Variants in C1R observed in about 807,000 individuals in gnomAD.
C1R encodes the protein complement C1r.
A neutral mutation model predicts 27.6 loss-of-function variants in C1R; 15 were observed. The observed-to-expected ratio is 0.54, with a 90% CI of 0.36 to 0.84. C1R has a LOEUF of 0.84. C1R is among the 40% of genes least tolerant of loss of function. The pLI is 0.01. For missense variants in C1R, 544 were observed against 577.9 expected, an observed-to-expected ratio of 0.94 and a Z score of 0.60; for synonymous variants, 253 against 228.8, an observed-to-expected ratio of 1.11 and a Z score of -0.95.
At position 7,080,364 on chromosome 12, in the gene C1R, T is replaced by C. The variant is rs770386982; in HGVS notation, c.*168A>G. ...AAAGAAAGGGGCCCTTTGGGTTGTT[T>C]CAGGTAAAGTACATCAATGGGACTA... On this transcript the variant is annotated 3_prime_UTR_variant, in exon 11 of 11. Transcript: ENST00000647956. The surrounding 1 kb of genome is among the most constrained non-coding windows in gnomAD (Gnocchi z 4.9). 1.0e-5 allele frequency: 14 copies of C among 1,349,196 alleles called. No homozygotes were observed. In the South Asian group the frequency reaches 2.6e-4, roughly 25 times the overall value. 83.6% of individuals were successfully genotyped at this position (1,349,196 alleles called of 1,614,324 possible). A position where few individuals can be genotyped will look rare whatever the true frequency, so the allele number is the denominator to read the frequency against.
At chr12:7,092,101 GCA>G in intron 1 of C1R, 1 of 583,244 alleles carries the variant, frequency 1.7e-6, no homozygotes, top group Non-Finnish European at 3.1e-6. Flanking sequence ...GGGGACACAG[GCA>G]CAGAGTGTCC....
At position 7,089,604 on chromosome 12, in the gene C1R, T is replaced by C; in HGVS notation, c.554A>G (p.Asp185Gly). Residue 185 changes from aspartate (D) to glycine (G), a missense_variant, in exon 4 of 11, where the codon GAC becomes GGC. Physicochemically the swap from Asp to Gly is moderately conservative, Grantham distance 94. Around this residue, in one of 2 missense-constraint regions of C1R, gnomAD observed 291 missense variants for 209.0 expected, o/e 1.39. Coordinates refer to ENST00000647956, the MANE Select transcript of C1R (RefSeq NM_001733.7). ...TGGCTCACCCTGGCAGGAATGCCTG[T>C]CTTCCTGAAGCTCATAGCCTGGACG... is the stretch of plus-strand genomic sequence containing the variant. ...SCRPGYELQE[D>G]RHSCQAECSS... 1.3e-6 allele frequency: 1 copy of C among 780,942 alleles called. No individual in the cohort carries two copies. The highest frequency in any genetic ancestry group is 2.3e-4 in the Middle Eastern group (1 of 4,442). The allele number at this position is 780,942 out of a possible 1,614,324, so 48.4% of individuals were successfully genotyped here. A position where few individuals can be genotyped will look rare whatever the true frequency, so the allele number is the denominator to read the frequency against.
chr12:7,080,819 G>A lies in C1R; in HGVS notation c.1831C>T (p.Arg611Cys), dbSNP rs772664204. Reference sequence around the variant, plus strand: ...GCCTGTGGATTAGCTACGGGCAGACGGACAAACCTGAGGTCATGAGCAATC... The same window carrying A: ...GCCTGTGGATTAGCTACGGGCAGACAGACAAACCTGAGGTCATGAGCAATC... ...EKIAHDLRFV[R>C]LPVANPQACE... is the part of the protein sequence containing the mutation. The change falls in exon 11 of 11, where the codon CGT becomes TGT. Residue 611 changes from arginine to cysteine, a missense_variant. Around this residue, in one of 2 missense-constraint regions of C1R, gnomAD observed 253 missense variants for 368.9 expected, o/e 0.69. Coordinates refer to ENST00000647956, the MANE Select transcript of C1R (RefSeq NM_001733.7). The surrounding 1 kb of genome is among the most constrained non-coding windows in gnomAD (Gnocchi z 4.9). The A allele has an allele frequency of 6.8e-6, 11 of 1,613,802 alleles. No individual in the cohort carries two copies. Among genetic ancestry groups the A allele is most frequent in the Middle Eastern group, 1.6e-4 (1 of 6,084 alleles).
At chr12:7,087,901 C>T (rs1317642103) in intron 7 of C1R, 3 of 155,854 alleles carry the variant, frequency 1.9e-5, no homozygotes, top group African/African-American at 2.4e-5. Context: ...TGTTGAACAA[C>T]GATGGGATGT....
At position 7,091,241 on chromosome 12, in the gene C1R, C is replaced by A; in HGVS notation, c.231+211G>T. 1.8e-6 allele frequency: 1 copy of A among 562,374 alleles called. No homozygotes were observed. The highest frequency in any genetic ancestry group is 3.1e-6 in the Non-Finnish European group (1 of 322,026). The allele number at this position is 562,374 out of a possible 1,614,324, so 34.8% of individuals were successfully genotyped here. A position where few individuals can be genotyped will look rare whatever the true frequency, so the allele number is the denominator to read the frequency against. ...TTGAATTTCCTGAGTGGGTCCTGTCCCCTTCCTTCTCTGTGCTTCTCCCCT... is the reference window on the plus strand; with the variant it reads ...TTGAATTTCCTGAGTGGGTCCTGTCACCTTCCTTCTCTGTGCTTCTCCCCT... On this transcript the variant is annotated intron_variant, in intron 2 of 10. Transcript: ENST00000647956. The surrounding 1 kb of genome is among the most constrained non-coding windows in gnomAD (Gnocchi z 5.1).
In C1R at chr12:7,092,439, A is replaced by C; in HGVS notation, c.-51T>G. On this transcript the variant is annotated 5_prime_UTR_variant, in exon 1 of 11. Coordinates refer to ENST00000647956, the MANE Select transcript of C1R (RefSeq NM_001733.7). ...GGCTCTCCCGACAGCGTCTTCGTGC[A>C]CTGTGTGCAGAGGGAGCCCGCGTCA... is the stretch of plus-strand genomic sequence containing the variant. The C allele has an allele frequency of 1.3e-6, 1 of 780,538 alleles. No homozygotes were observed. The highest frequency in any genetic ancestry group is 2.4e-6 in the Non-Finnish European group (1 of 417,888). 48.4% of individuals were successfully genotyped at this position (780,538 alleles called of 1,614,324 possible).
rs747411828 is a variant in C1R, at chr12:7,081,117, C to T, written c.1533G>A (p.Ala511=). The change falls in exon 11 of 11, where the codon GCG becomes GCA. Residue 511 remains alanine (A), a synonymous_variant. Coordinates refer to ENST00000647956, the MANE Select transcript of C1R (RefSeq NM_001733.7). ...ACACATCCAAAGAGGCGTTGCTTTG[C>T]GCTTCGTGTTCCTTGGGATACAGGG... The part of the protein sequence containing the change: ...AHTLYPKEHE[A]QSNASLDVFL... 6.5e-5 allele frequency: 105 copies of T among 1,614,038 alleles called. No individual in the cohort carries two copies. In the East Asian group the frequency reaches 2.2e-3, roughly 34 times the overall value.
intron 7 of C1R, chr12:7,087,404 C>A (rs896589584): frequency 6.5e-6 from 1 of 154,302 alleles, no homozygotes; most frequent in African/African-American, 2.4e-5. Flanking sequence ...AACAAAAAGA[C>A]CAAAAATCAT....
chr12:7,085,245 T>A (rs1938132275), intron 9 of C1R, among the ~76,000 whole-genome samples: 3 of 150,842 alleles, frequency 2.0e-5, no homozygotes, highest in Non-Finnish European at 2.9e-5. Flanking sequence ...GTGGTGTTGG[T>A]AATGGTGGTG....
At position 7,080,327 on chromosome 12, in the gene C1R, A is replaced by C. The variant is rs1367986515; in HGVS notation, c.*205T>G. 13 of 1,312,308 alleles carry C rather than the reference A, an allele frequency of 9.9e-6. No individual in the cohort carries two copies. Among genetic ancestry groups the C allele is most frequent in the Non-Finnish European group, 9.7e-7 (1 of 1,035,102 alleles). 81.3% of individuals were successfully genotyped at this position (1,312,308 alleles called of 1,614,324 possible). A position where few individuals can be genotyped will look rare whatever the true frequency, so the allele number is the denominator to read the frequency against. The stretch of plus-strand genomic sequence containing the variant: ...AGAGATTGATAACTATATCCTCTGC[A>C]ATCCTCAGAAGAAAGAAAGGGGCCC... On this transcript the variant is annotated 3_prime_UTR_variant, in exon 11 of 11. Coordinates refer to ENST00000647956, the MANE Select transcript of C1R (RefSeq NM_001733.7). This position sits in a 1 kb window ranked among gnomAD's most constrained non-coding sequence, Gnocchi z 4.9.
At position 7,080,453 on chromosome 12, in the gene C1R, TTA is replaced by T. The variant is rs1380969140; in HGVS notation, c.*77_*78del. Reference sequence around the variant, plus strand: ...TAATTTTAATAGAGACTCTTAGTGGTTATCAACAACTGGTCAGTTGTTTTTTG... The same window carrying T: ...TAATTTTAATAGAGACTCTTAGTGGTTCAACAACTGGTCAGTTGTTTTTTG... On this transcript the variant is annotated 3_prime_UTR_variant, in exon 11 of 11. Coordinates refer to ENST00000647956, the MANE Select transcript of C1R (RefSeq NM_001733.7). This position sits in a 1 kb window ranked among gnomAD's most constrained non-coding sequence, Gnocchi z 4.9. 2.0e-6 allele frequency: 3 copies of T among 1,505,450 alleles called. No homozygotes were observed. In the African/African-American group the frequency reaches 4.2e-5, roughly 21 times the overall value. 93.3% of individuals were successfully genotyped at this position (1,505,450 alleles called of 1,614,324 possible). A position where few individuals can be genotyped will look rare whatever the true frequency, so the allele number is the denominator to read the frequency against.
At chr12:7,092,129 G>A in intron 1 of C1R, 1 of 602,064 alleles carries the variant, frequency 1.7e-6, no homozygotes, top group South Asian at 1.9e-5. Flanking sequence ...TGGGCAAGGG[G>A]TCCCCTCCTC....
chr12:7,080,808 T>G lies in C1R; in HGVS notation c.1842A>C (p.Val614=). 6.2e-7 allele frequency: 1 copy of G among 1,613,920 alleles called. No individual in the cohort carries two copies. The highest frequency in any genetic ancestry group is 8.5e-7 in the Non-Finnish European group (1 of 1,179,878). Residue 614 remains valine, a synonymous_variant, in exon 11 of 11, where the codon GTA becomes GTC. Coordinates refer to ENST00000647956, the MANE Select transcript of C1R (RefSeq NM_001733.7). The surrounding 1 kb of genome is among the most constrained non-coding windows in gnomAD (Gnocchi z 4.9). Reference sequence around the variant, plus strand: ...AGTTCTCACAGGCCTGTGGATTAGCTACGGGCAGACGGACAAACCTGAGGT... The same window carrying G: ...AGTTCTCACAGGCCTGTGGATTAGCGACGGGCAGACGGACAAACCTGAGGT... ...AHDLRFVRLP[V]ANPQACENWL... is the part of the protein sequence containing the mutation.
At position 7,089,003 on chromosome 12, in the gene C1R, G is replaced by GTTT; in HGVS notation, c.769-20_769-18dup. The GTTT allele has an allele frequency of 3.6e-6, 2 of 559,902 alleles. No homozygotes were observed. The highest frequency in any genetic ancestry group is 6.6e-6 in the Non-Finnish European group (2 of 302,154). The allele number at this position is 559,902 out of a possible 1,614,324, so 34.7% of individuals were successfully genotyped here. A position where few individuals can be genotyped will look rare whatever the true frequency, so the allele number is the denominator to read the frequency against. ...GGCATAGATCTAGTAGGGGAGGAGG[G>GTTT]TTTTTTTTTTTCAGCTTGGACGTTT... On this transcript the variant is annotated splice_polypyrimidine_tract_variant and intron_variant, in intron 5 of 10. Transcript: ENST00000647956.
chr12:7,086,866 C>T (rs1938164948), intron 7 of C1R: 1 of 155,458 alleles, frequency 6.4e-6, no homozygotes, highest in South Asian at 2.1e-4. Context: ...CCCCTGCCTC[C>T]AGGCGTGCAT....
chr12:7,082,169 G>A, intron 9 of C1R, 63 bp from the exon 10 acceptor site: 2 of 916,736 alleles, frequency 2.2e-6, no homozygotes, highest in Non-Finnish European at 3.4e-6. Flanking sequence ...AGGTTGCAGA[G>A]GCCAGCAAGT....
rs1167071554 is a variant in C1R at position 7,080,833 on chromosome 12, T to A, written c.1817A>T (p.Asp606Val). 6 of 1,613,738 alleles carry A rather than the reference T, an allele frequency of 3.7e-6. No individual in the cohort carries two copies. Among genetic ancestry groups the A allele is most frequent in the Non-Finnish European group, 5.1e-6 (6 of 1,179,842 alleles). The change falls in exon 11 of 11, where the codon GAC becomes GTC. Residue 606 changes from aspartate to valine, a missense_variant. By Grantham distance (152) the Asp-to-Val change is radical. Coordinates refer to ENST00000647956, the MANE Select transcript of C1R (RefSeq NM_001733.7). The surrounding 1 kb of genome is among the most constrained non-coding windows in gnomAD (Gnocchi z 4.9). ...TACGGGCAGACGGACAAACCTGAGG[T>A]CATGAGCAATCTTCTCCTCCATGAC... ...FGVMEEKIAH[D>V]LRFVRLPVAN...
intron 9 of C1R, 27 bp from the exon 10 acceptor site, chr12:7,082,133 G>A (rs1175536142): frequency 7.5e-7 from 1 of 1,333,614 alleles, no homozygotes; most frequent in East Asian, 2.5e-5. Context: ...CAAGAATCAA[G>A]TTGGGGGGTG....
In C1R at chr12:7,082,768, T is replaced by A. The variant is rs1014182232; in HGVS notation, c.1274-662A>T. Among the ~76,000 whole-genome samples the A allele has an allele frequency of 2.9e-3, 437 of 152,324 alleles. 6 individuals carry two copies. Among genetic ancestry groups the A allele is most frequent in the Non-Finnish European group, 4.8e-3 (328 of 68,040 alleles). On this transcript the variant is annotated intron_variant, in intron 9 of 10. Transcript: ENST00000647956. ...ATCATAGACGATAATTGTAGCTACATCTTCTGATTGCTGAAAATGTGCCAT... is the reference window on the plus strand; with the variant it reads ...ATCATAGACGATAATTGTAGCTACAACTTCTGATTGCTGAAAATGTGCCAT...
Sources: gnomAD v4.1 joint callset for allele counts (sites outside exome capture counted in the v4.1 genomes callset) on GRCh38, gnomAD v4.1.1 for gene constraint, gnomAD v4.1.1 regional missense constraint, Gnocchi (gnomAD v3.1) non-coding constraint, MANE v1.5 for transcripts, NCBI Gene and HGNC (gene_info 2026-07-23, HGNC 2026-07-21) for gene names.